NEBL: variants seen among roughly 807,000 people sequenced by gnomAD.
The protein encoded by NEBL is LIM and SH3 protein 2.
Under a neutral mutation model 140.2 loss-of-function variants are expected in NEBL, and 122 were observed. The ratio of observed to expected loss-of-function variants is 0.87; its 90% CI spans 0.75 to 1.01. The LOEUF (loss-of-function observed/expected upper bound fraction) is 1.01. Ranked by LOEUF, NEBL falls within the 50% of genes least tolerant of loss-of-function variation. The probability of loss-of-function intolerance (pLI) is 0.00; values close to 1 mark genes in which losing one functional copy is unlikely to be tolerated. For missense variants in NEBL, 1,365 were observed against 1,231.3 expected (o/e 1.11, Z -1.62); for synonymous variants, 436 against 398.9 (o/e 1.09, Z -1.11).
intron 2 of NEBL, among the ~76,000 whole-genome samples, chr10:21,162,611 C>T (rs1198752670): frequency 1.3e-5 from 2 of 152,168 alleles, no homozygotes; most frequent in African/African-American, 2.4e-5. Context: ...GACTTGACCT[C>T]GCCTATCCCA....
At chr10:21,177,608 C>T (rs1841323689), upstream of NEBL, among the ~76,000 whole-genome samples, 1 of 151,856 alleles carries the variant, frequency 6.6e-6, no homozygotes, top group African/African-American at 2.4e-5. Context: ...CAGCTCACTG[C>T]AAGCTCTGCC....
chr10:20,818,802 A>C (rs1375899913), intron 20 of NEBL: 3 of 989,014 alleles, frequency 3.0e-6, no homozygotes, highest in Admixed American at 5.9e-5. Context: ...ACAGCAACAC[A>C]GTCCCAAATT....
chr10:21,017,326 T>C (rs1280672177), intron 3 of NEBL, among the ~76,000 whole-genome samples: 1 of 152,204 alleles, frequency 6.6e-6, no homozygotes, highest in African/African-American at 2.4e-5. Context: ...AATCAATACA[T>C]GTTTCTTGAA....
chr10:21,093,678 A>G (rs1310732751), intron 2 of NEBL, among the ~76,000 whole-genome samples: 1 of 152,240 alleles, frequency 6.6e-6, no homozygotes, highest in Non-Finnish European at 1.5e-5. Flanking sequence ...GAATGTCTTC[A>G]GCTCATGTAT....
intron 2 of NEBL, chr10:21,126,290 G>T: frequency 3.1e-6 from 2 of 646,270 alleles, no homozygotes; most frequent in Non-Finnish European, 5.3e-6. Context: ...ACAGCCTTAA[G>T]TATAGAAATG....
intron 4 of NEBL, among the ~76,000 whole-genome samples, chr10:20,915,884 G>A (rs1240631706): frequency 6.6e-6 from 1 of 152,156 alleles, no homozygotes; most frequent in Non-Finnish European, 1.5e-5. Context: ...AATTGGATCT[G>A]CAAGCTAACC....
At chr10:20,919,131 A>C (rs1833455528) in intron 4 of NEBL, among the ~76,000 whole-genome samples, 1 of 152,144 alleles carries the variant, frequency 6.6e-6, no homozygotes, top group Admixed American at 6.5e-5. Context: ...AAAATTCAAA[A>C]CTAAAAAAAA....
chr10:21,145,566 A>T (rs1839853350), intron 2 of NEBL, among the ~76,000 whole-genome samples: 1 of 152,230 alleles, frequency 6.6e-6, no homozygotes, highest in South Asian at 2.1e-4. Context: ...AGCACTTTAC[A>T]TAATCTATCT....
chr10:20,832,166 C>T (rs879644453), intron 14 of NEBL, among the ~76,000 whole-genome samples: 4 of 152,198 alleles, frequency 2.6e-5, no homozygotes, highest in Admixed American at 6.5e-5. Flanking sequence ...CACTCCTAAA[C>T]CATCCAGAAA....
intron 2 of NEBL, among the ~76,000 whole-genome samples, chr10:21,085,669 A>G (rs938672447): frequency 1.5e-4 from 23 of 152,148 alleles, no homozygotes; most frequent in African/African-American, 5.1e-4. Context: ...ATAAAACAAC[A>G]TATATACAAA....
At chr10:20,913,997 A>T (rs1329786691) in intron 4 of NEBL, among the ~76,000 whole-genome samples, 1 of 152,196 alleles carries the variant, frequency 6.6e-6, no homozygotes, top group Admixed American at 6.5e-5. Context: ...CAGACATGTC[A>T]ATAAATTCAC....
At chr10:21,011,108 A>C (rs1040380312) in intron 3 of NEBL, among the ~76,000 whole-genome samples, 2 of 152,208 alleles carry the variant, frequency 1.3e-5, no homozygotes. Context: ...TTTTTGTACT[A>C]AAATCAGAGA....
At chr10:20,822,297 A>G (rs1839398549) in intron 19 of NEBL, among the ~76,000 whole-genome samples, 2 of 152,020 alleles carry the variant, frequency 1.3e-5, no homozygotes, top group Admixed American at 6.6e-5. Context: ...TTTCATGTTT[A>G]GTTTTGTCAC....
At chr10:21,278,377 G>C (rs975257206) in intron 1 of NEBL, among the ~76,000 whole-genome samples, 1 of 152,204 alleles carries the variant, frequency 6.6e-6, no homozygotes. Flanking sequence ...CCAGGACGTC[G>C]AGGCTTCAGT....
chr10:20,953,758 A>G (rs562675131), intron 4 of NEBL, among the ~76,000 whole-genome samples: 7 of 152,274 alleles, frequency 4.6e-5, no homozygotes, highest in African/African-American at 1.7e-4. Context: ...AATTGAAAGC[A>G]ACTTGAGAAA....
intron 3 of NEBL, among the ~76,000 whole-genome samples, chr10:21,000,880 G>T (rs1178843989): frequency 6.6e-6 from 1 of 152,134 alleles, no homozygotes; most frequent in Non-Finnish European, 1.5e-5. Context: ...AGGTAGGATG[G>T]CCAGGAAGGG....
intron 3 of NEBL, among the ~76,000 whole-genome samples, chr10:20,997,324 C>T (rs1484085659): frequency 6.6e-6 from 1 of 152,036 alleles, no homozygotes; most frequent in African/African-American, 2.4e-5. Context: ...GGTCTGGAAT[C>T]TCAAAAGGCA....
At chr10:20,793,450 G>T in intron 26 of NEBL, 1 of 576,698 alleles carries the variant, frequency 1.7e-6, no homozygotes, top group Non-Finnish European at 2.2e-6. Flanking sequence ...TTTCAACCCT[G>T]ACTGCATATG....
intron 13 of NEBL, among the ~76,000 whole-genome samples, chr10:20,839,322 G>T (rs1841186243): frequency 6.6e-6 from 1 of 152,160 alleles, no homozygotes; most frequent in Middle Eastern, 3.2e-3. Flanking sequence ...ACATGTCACG[G>T]CAACAGAAGA....
Sources: allele counts gnomAD v4.1 joint callset (sites outside exome capture counted in the v4.1 genomes callset), GRCh38; gene constraint gnomAD v4.1.1; transcripts MANE v1.5; gene names NCBI Gene and HGNC (gene_info 2026-07-23, HGNC 2026-07-21).